Variants in LPP observed in about 807,000 individuals in gnomAD.
LPP encodes the protein LIM domain containing preferred translocation partner in lipoma, also known as lipoma-preferred partner.
LPP carries 38 observed loss-of-function variants against 60.4 expected under a neutral mutation model. That is an observed-to-expected ratio of 0.63 (90% CI 0.49 to 0.83). The LOEUF (loss-of-function observed/expected upper bound fraction) is 0.83, where lower values mean the gene tolerates loss of function less well. Among genes scored for constraint, LPP ranks in the 40% least tolerant of loss-of-function variants. The probability of loss-of-function intolerance (pLI) is 0.00; values close to 1 mark genes in which losing one functional copy is unlikely to be tolerated. For synonymous variants in LPP, 328 were observed against 290.8 expected (o/e 1.13, Z -1.30); for missense variants, 902 against 783.6 (o/e 1.15, Z -1.80).
chr3:188,379,326 G>C (rs898143429), intron 3 of LPP, among the ~76,000 whole-genome samples: 2 of 152,168 alleles, frequency 1.3e-5, no homozygotes, highest in African/African-American at 4.8e-5. Context: ...CTGATAGGGT[G>C]GGGAGAATCA....
chr3:188,405,831 G>T (rs375057902), intron 3 of LPP, among the ~76,000 whole-genome samples: 15 of 152,078 alleles, frequency 9.9e-5, no homozygotes, highest in African/African-American at 2.9e-4. Context: ...CTATTGGAAG[G>T]GAGATATTCA....
At position 188,609,816 on chromosome 3, in the gene LPP, C is replaced by A; in HGVS notation, c.1085C>A (p.Ala362Asp). The change falls in exon 7 of 12, where the codon GCC becomes GAC. Residue 362 changes from alanine (A) to aspartate (D), a missense_variant. Transcript: ENST00000617246. This position sits in a 1 kb window ranked among gnomAD's most constrained non-coding sequence, Gnocchi z 6.9. ...ACCTATATCACAGATCCTGTTTCAG[C>A]CCCCTGTGCGCCACCATTGCAGCCA... ...KKTYITDPVS[A>D]PCAPPLQPKG... 14 of 1,612,618 alleles carry A rather than the reference C, an allele frequency of 8.7e-6. No individual in the cohort carries two copies. Among genetic ancestry groups the A allele is most frequent in the Non-Finnish European group, 1.1e-5 (13 of 1,179,422 alleles).
intron 5 of LPP, among the ~76,000 whole-genome samples, chr3:188,503,867 C>T (rs555000231): frequency 2.0e-4 from 31 of 152,214 alleles, no homozygotes; most frequent in South Asian, 1.7e-3. Context: ...CAAAATTCTC[C>T]GGTTGTCTTT....
chr3:188,461,602 A>C (rs1798969606), intron 4 of LPP, among the ~76,000 whole-genome samples: 1 of 152,220 alleles, frequency 6.6e-6, no homozygotes, highest in African/African-American at 2.4e-5. Context: ...ATGATGTCTA[A>C]CAGCATAGAT....
chr3:188,592,702 T>G (rs907963893), intron 6 of LPP, among the ~76,000 whole-genome samples: 5 of 151,862 alleles, frequency 3.3e-5, no homozygotes, highest in African/African-American at 1.2e-4. Flanking sequence ...CCACCACGCC[T>G]GGCTAATTTT....
intron 5 of LPP, among the ~76,000 whole-genome samples, chr3:188,503,024 CT>C: frequency 6.6e-6 from 1 of 151,858 alleles, no homozygotes; most frequent in Non-Finnish European, 1.5e-5. Context: ...TATTTATTTT[CT>C]ATATGCTTTA....
chr3:188,868,919 G>T (rs1309078760), intron 10 of LPP, among the ~76,000 whole-genome samples: 1 of 152,204 alleles, frequency 6.6e-6, no homozygotes, highest in Non-Finnish European at 1.5e-5. Flanking sequence ...GTCACTGTCA[G>T]CAAGGAGCTT....
At chr3:188,302,204 A>G (rs1313823101) in intron 2 of LPP, among the ~76,000 whole-genome samples, 1 of 152,122 alleles carries the variant, frequency 6.6e-6, no homozygotes, top group Non-Finnish European at 1.5e-5. Flanking sequence ...CTTCAATGTA[A>G]TTTCTATTAT....
At chr3:188,624,818 T>C (rs1213798222) in intron 7 of LPP, among the ~76,000 whole-genome samples, 1 of 62,348 alleles carries the variant, frequency 1.6e-5, no homozygotes, top group African/African-American at 5.5e-5. Context: ...TTCTCTCTCT[T>C]TCTCTCTTCT....
At chr3:188,594,677 GT>G (rs1839633751) in intron 6 of LPP, among the ~76,000 whole-genome samples, 1 of 152,160 alleles carries the variant, frequency 6.6e-6, no homozygotes, top group South Asian at 2.1e-4. Context: ...TATTTCTTTG[GT>G]TTTGGGTGGT....
At chr3:188,170,017 A>C (rs111318090) in intron 1 of LPP, among the ~76,000 whole-genome samples, 14 of 152,230 alleles carry the variant, frequency 9.2e-5, no homozygotes, top group African/African-American at 3.4e-4. Flanking sequence ...GAGGGTTGCC[A>C]GAGCATCATC....
intron 2 of LPP, among the ~76,000 whole-genome samples, chr3:188,262,240 A>G (rs948650162): frequency 6.6e-6 from 1 of 152,112 alleles, no homozygotes; most frequent in Non-Finnish European, 1.5e-5. Context: ...ATTGCCAACG[A>G]GCTGCTTGAC....
chr3:188,879,226 G>C lies in LPP; in HGVS notation c.*4747G>C, dbSNP rs1178778313. 8.7e-6 allele frequency: 2 copies of C among 230,790 alleles called. No individual in the cohort carries two copies. Among genetic ancestry groups the C allele is most frequent in the Non-Finnish European group, 1.7e-5 (2 of 116,680 alleles). The allele number at this position is 230,790 out of a possible 1,614,324, so 14.3% of individuals were successfully genotyped here. ...TACCTGACTGAAGCTACTATGACTTGGTAAGGATTCTTCCTCTCTTGCTTT... is the reference window on the plus strand; with the variant it reads ...TACCTGACTGAAGCTACTATGACTTCGTAAGGATTCTTCCTCTCTTGCTTT... On this transcript the variant is annotated 3_prime_UTR_variant, in exon 12 of 12. Coordinates refer to ENST00000617246, the MANE Select transcript of LPP (RefSeq NM_001375462.1).
Position 188,610,777 on chromosome 3 carries a change from CAATAAG to C in LPP, c.1113+939_1113+944del, listed in dbSNP as rs749802331. Among the ~76,000 whole-genome samples the C allele has an allele frequency of 2.4e-4, 37 of 152,230 alleles. No individual in the cohort carries two copies. The highest frequency in any genetic ancestry group is 7.5e-4 in the African/African-American group (31 of 41,544). On this transcript the variant is annotated intron_variant, in intron 7 of 11. Coordinates refer to ENST00000617246, the MANE Select transcript of LPP (RefSeq NM_001375462.1). The surrounding 1 kb of genome is among the most constrained non-coding windows in gnomAD (Gnocchi z 4.4). Reference sequence around the variant, plus strand: ...TTCCTCCCATTATGACTAGAGGAACCAATAAGAATAACTTGGAATCGGTGAAAATAG... The same window carrying C: ...TTCCTCCCATTATGACTAGAGGAACCAATAACTTGGAATCGGTGAAAATAG...
intron 6 of LPP, among the ~76,000 whole-genome samples, chr3:188,571,797 T>C (rs1370194569): frequency 1.3e-5 from 2 of 152,126 alleles, no homozygotes; most frequent in East Asian, 1.9e-4. Context: ...AATTCCTGAC[T>C]TCAAAATTAT....
chr3:188,728,510 A>T (rs1719231796), intron 8 of LPP, among the ~76,000 whole-genome samples: 2 of 152,330 alleles, frequency 1.3e-5, no homozygotes. Flanking sequence ...AAACCAGTTG[A>T]CCAAGAGATA....
chr3:188,694,138 T>C (rs1433286752), intron 7 of LPP, among the ~76,000 whole-genome samples: 1 of 152,188 alleles, frequency 6.6e-6, no homozygotes, highest in African/African-American at 2.4e-5. Context: ...ATTGAATATT[T>C]TCTTAGCATT....
chr3:188,342,179 C>T (rs1763234156), intron 3 of LPP, among the ~76,000 whole-genome samples: 1 of 152,174 alleles, frequency 6.6e-6, no homozygotes, highest in Admixed American at 6.5e-5. Flanking sequence ...CTGGGTCAGT[C>T]ACTCTCTCTT....
chr3:188,223,551 A>T (rs1441401801), intron 1 of LPP, among the ~76,000 whole-genome samples: 1 of 152,200 alleles, frequency 6.6e-6, no homozygotes, highest in African/African-American at 2.4e-5. Context: ...AAATTATTAA[A>T]AGAGAAGTTG....
Sources: allele counts gnomAD v4.1 joint callset (sites outside exome capture counted in the v4.1 genomes callset), GRCh38; gene constraint gnomAD v4.1.1; non-coding constraint Gnocchi (gnomAD v3.1); transcripts MANE v1.5; gene names NCBI Gene and HGNC (gene_info 2026-07-23, HGNC 2026-07-21).